The following CMSS1 variants were observed in gnomAD, a reference collection of about 807,000 sequenced individuals.
CMSS1 encodes the protein cms1 ribosomal small subunit homolog, also known as protein CMSS1.
CMSS1 carries 33 observed loss-of-function variants against 43.5 expected under a neutral mutation model. The observed-to-expected ratio is 0.76, with a 90% CI of 0.57 to 1.01. The LOEUF is 1.01. Ranked by LOEUF, CMSS1 falls within the 50% of genes least tolerant of loss-of-function variation. CMSS1 has a pLI of 0.00. For synonymous variants in CMSS1, 115 were observed against 117.2 expected (o/e 0.98, Z 0.12); for missense variants, 313 against 326.4 (o/e 0.96, Z 0.32).
Position 99,983,464 on chromosome 3 carries a change from G to GTATATATATATA in CMSS1, c.65-163475_65-163464dup, listed in dbSNP as rs1191587665. ...TATGTATGTATATATATATATGTGT[G>GTATATATATATA]TATATATATATATATATATATATAT... On this transcript the variant is annotated intron_variant, in intron 1 of 9. Coordinates refer to ENST00000421999, the MANE Select transcript of CMSS1 (RefSeq NM_032359.4). Among the ~76,000 whole-genome samples, 3 of 12,674 alleles carry GTATATATATATA rather than the reference G, an allele frequency of 2.4e-4. 1 individual carries two copies. Among genetic ancestry groups the GTATATATATATA allele is most frequent in the Non-Finnish European group, 5.0e-4 (3 of 5,968 alleles). 8.3% of individuals were successfully genotyped at this position (12,674 alleles called of 152,430 possible). A position where few individuals can be genotyped will look rare whatever the true frequency, so the allele number is the denominator to read the frequency against.
At chr3:99,931,129 A>G in intron 1 of CMSS1, 1 of 966,490 alleles carries the variant, frequency 1.0e-6, no homozygotes, top group Non-Finnish European at 1.6e-6. Flanking sequence ...TGTTATATTT[A>G]CCACAGCCCC....
rs1709222250 is a variant in CMSS1, at chr3:99,983,469, T to TATATAC, written c.65-163499_65-163498insCATATA. Among the ~76,000 whole-genome samples, 3 of 11,330 alleles carry TATATAC rather than the reference T, an allele frequency of 2.6e-4. No homozygotes were observed. The Admixed American group carries it at 2.8e-3, about 11-fold the overall frequency. 7.4% of individuals were successfully genotyped at this position (11,330 alleles called of 152,430 possible). On this transcript the variant is annotated intron_variant, in intron 1 of 9. Transcript: ENST00000421999. ...ATGTATATATATATATGTGTGTATA[T>TATATAC]ATATATATATATATATATATATATA...
At chr3:100,096,964 A>G (rs2066220720) in intron 1 of CMSS1, among the ~76,000 whole-genome samples, 1 of 152,208 alleles carries the variant, frequency 6.6e-6, no homozygotes, top group South Asian at 2.1e-4. Context: ...ACAACTATTT[A>G]CATAGCATTT....
chr3:99,931,586 G>A lies in CMSS1; in HGVS notation c.64+113543G>A, dbSNP rs540333467. Among the ~76,000 whole-genome samples the A allele has an allele frequency of 2.0e-5, 3 of 152,218 alleles. No homozygotes were observed. The South Asian group carries it at 6.2e-4, about 32-fold the overall frequency. On this transcript the variant is annotated intron_variant, in intron 1 of 9. Transcript: ENST00000421999. ...ATTACTGCATTATTTTGTTTTGAAG[G>A]CCAAGTCTAGTATTAAAGGAATGAA... is the stretch of plus-strand genomic sequence containing the variant.
intron 1 of CMSS1, among the ~76,000 whole-genome samples, chr3:99,843,526 A>T (rs908025126): frequency 6.6e-6 from 1 of 152,184 alleles, no homozygotes; most frequent in Non-Finnish European, 1.5e-5. Context: ...GTCAATACAG[A>T]TGCTTTTTGA....
chr3:99,969,289 A>T (rs562982770), intron 1 of CMSS1, among the ~76,000 whole-genome samples: 3 of 152,332 alleles, frequency 2.0e-5, no homozygotes, highest in South Asian at 4.1e-4. Context: ...GCAGAGAAGG[A>T]TGTAGCCTTG....
At chr3:100,085,186 A>G (rs1393917786) in intron 1 of CMSS1, among the ~76,000 whole-genome samples, 1 of 152,204 alleles carries the variant, frequency 6.6e-6, no homozygotes, top group Non-Finnish European at 1.5e-5. Context: ...TTTTAAAAGT[A>G]TCTAAGGTGA....
chr3:99,886,815 C>T (rs1393320869), intron 1 of CMSS1, among the ~76,000 whole-genome samples: 3 of 151,638 alleles, frequency 2.0e-5, no homozygotes, highest in Admixed American at 2.0e-4. Flanking sequence ...ACCAAAAATA[C>T]AAAAATTAGC....
chr3:99,840,316 C>T (rs1309139505), intron 1 of CMSS1, among the ~76,000 whole-genome samples: 12 of 150,892 alleles, frequency 8.0e-5, no homozygotes, highest in African/African-American at 2.2e-4. Flanking sequence ...CTCTGCCTCC[C>T]GGGTTGAAGC....
intron 1 of CMSS1, among the ~76,000 whole-genome samples, chr3:100,089,359 G>T (rs2066065361): frequency 6.6e-6 from 1 of 152,108 alleles, no homozygotes; most frequent in African/African-American, 2.4e-5. Flanking sequence ...AGATTTACTT[G>T]GTTTTCCTGT....
chr3:100,158,071 T>C (rs2066991727), intron 2 of CMSS1, among the ~76,000 whole-genome samples: 1 of 152,328 alleles, frequency 6.6e-6, no homozygotes, highest in East Asian at 1.9e-4. Context: ...TTGAAATCTC[T>C]CCATTACTGT....
At chr3:100,027,603 T>C (rs2064950060) in intron 1 of CMSS1, among the ~76,000 whole-genome samples, 1 of 152,182 alleles carries the variant, frequency 6.6e-6, no homozygotes, top group African/African-American at 2.4e-5. Flanking sequence ...TCAACTTCGA[T>C]ACATGCTTAT....
intron 1 of CMSS1, among the ~76,000 whole-genome samples, chr3:100,095,656 A>C (rs1443909907): frequency 2.6e-5 from 4 of 152,186 alleles, no homozygotes; most frequent in African/African-American, 2.4e-5. Flanking sequence ...AAGACTTCAG[A>C]CTTTGAAACT....
At chr3:99,823,581 A>G (rs1417539776) in intron 1 of CMSS1, among the ~76,000 whole-genome samples, 1 of 152,058 alleles carries the variant, frequency 6.6e-6, no homozygotes, top group East Asian at 1.9e-4. Context: ...TGGAGTATAC[A>G]TTTTCATCCT....
intron 1 of CMSS1, among the ~76,000 whole-genome samples, chr3:100,116,429 A>G (rs905026421): frequency 2.0e-5 from 3 of 152,142 alleles, no homozygotes; most frequent in Non-Finnish European, 2.9e-5. Context: ...TTTTCTGAGT[A>G]CTTTCTTACC....
intron 1 of CMSS1, among the ~76,000 whole-genome samples, chr3:99,862,342 G>A (rs1576524244): frequency 6.6e-6 from 1 of 152,138 alleles, no homozygotes; most frequent in Non-Finnish European, 1.5e-5. Context: ...GTCAGCTGGG[G>A]GAAGAATAGC....
intron 6 of CMSS1, among the ~76,000 whole-genome samples, chr3:100,168,496 C>A (rs958820936): frequency 1.3e-5 from 2 of 152,072 alleles, no homozygotes; most frequent in African/African-American, 4.8e-5. Flanking sequence ...GAGCTTGAGA[C>A]CAGCCTGGGC....
intron 1 of CMSS1, among the ~76,000 whole-genome samples, chr3:99,901,268 G>A (rs1288366231): frequency 6.6e-6 from 1 of 152,146 alleles, no homozygotes; most frequent in African/African-American, 2.4e-5. Context: ...CAACTTAATT[G>A]CTCCAATGAG....
intron 1 of CMSS1, among the ~76,000 whole-genome samples, chr3:99,982,345 CT>C (rs999936582): frequency 1.8e-3 from 257 of 144,026 alleles, no homozygotes; most frequent in Middle Eastern, 3.6e-3. Context: ...TAATTTTTTA[CT>C]TTTTTTTTTT....
Sources: allele counts gnomAD v4.1 joint callset (sites outside exome capture counted in the v4.1 genomes callset), GRCh38; gene constraint gnomAD v4.1.1; transcripts MANE v1.5; gene names NCBI Gene and HGNC (gene_info 2026-07-23, HGNC 2026-07-21).